EOLA1: variants seen among roughly 807,000 people sequenced by gnomAD.
EOLA1 encodes protein EOLA1.
A neutral mutation model predicts 4.5 loss-of-function variants in EOLA1; 1 was observed. That is an observed-to-expected ratio of 0.22 (90% confidence interval 0.08 to 1.05). The LOEUF is 1.05. Ranked by LOEUF, EOLA1 falls within the 50% of genes least tolerant of loss-of-function variation. The pLI is 0.57. For synonymous variants in EOLA1, 37 were observed against 52.3 expected, an observed-to-expected ratio of 0.71 and a Z score of 1.26; for missense variants, 69 against 127.2, an observed-to-expected ratio of 0.54 and a Z score of 2.20.
At chrX:149,542,490 C>G (rs1370008198) in intron 2 of EOLA1, among the ~76,000 whole-genome samples, 2 of 109,884 alleles carry the variant, frequency 1.8e-5, no homozygotes, top group African/African-American at 6.7e-5. Context: ...GCCAGGCGGC[C>G]GAGGCATTTC....
At chrX:149,544,524 G>A (rs1291007515) in intron 2 of EOLA1, 3 of 750,697 alleles carry the variant, frequency 4.0e-6, no homozygotes, top group Non-Finnish European at 4.7e-6. Flanking sequence ...TGTTCTATTA[G>A]GTGCCACGTA....
Position 149,541,729 on chromosome X carries a change from G to C in EOLA1, c.-229-290G>C, listed in dbSNP as rs1557346327. On this transcript the variant is annotated intron_variant, in intron 1 of 4. Coordinates refer to ENST00000393985, the MANE Select transcript of EOLA1 (RefSeq NM_001171907.3). ...GGGGAAGTGTCATTTTTCTCCCTTC[G>C]AATGGAGCATGCTTGGCTGCAAGAA... The C allele has an allele frequency of 5.4e-6, 4 of 747,021 alleles. No homozygotes were observed. The African/African-American group carries it at 6.9e-5, about 13-fold the overall frequency. The allele number at this position is 747,021 out of a possible 1,213,427, so 61.6% of individuals were successfully genotyped here. A position where few individuals can be genotyped will look rare whatever the true frequency, so the allele number is the denominator to read the frequency against.
At chrX:149,544,654 G>C in intron 2 of EOLA1, 1 of 753,197 alleles carries the variant, frequency 1.3e-6, no homozygotes, top group Non-Finnish European at 1.6e-6. Context: ...TCCTTCCAAG[G>C]CACAGGGCCG....
chrX:149,545,543 C>A, intron 3 of EOLA1, 43 bp downstream of exon 3: 1 of 1,168,651 alleles, frequency 8.6e-7, no homozygotes, highest in Non-Finnish European at 1.1e-6. Context: ...GGGGGAAGGT[C>A]AGGCCACTGC....
chrX:149,548,310 C>A lies in EOLA1; in HGVS notation c.*1348C>A. ...ATTAAAAAATGGCAACTTTTATGGGCCATTAGTGGCCTGTGACTTCACGAA... is the reference window on the plus strand; with the variant it reads ...ATTAAAAAATGGCAACTTTTATGGGACATTAGTGGCCTGTGACTTCACGAA... On this transcript the variant is annotated 3_prime_UTR_variant, in exon 5 of 5. Transcript: ENST00000393985. The A allele has an allele frequency of 1.1e-6, 1 of 921,512 alleles. No homozygotes were observed. The highest frequency in any genetic ancestry group is 1.3e-6 in the Non-Finnish European group (1 of 741,759). 75.9% of individuals were successfully genotyped at this position (921,512 alleles called of 1,213,427 possible).
At chrX:149,544,321 G>A (rs1358322094) in intron 2 of EOLA1, among the ~76,000 whole-genome samples, 2 of 75,556 alleles carry the variant, frequency 2.6e-5, no homozygotes, top group African/African-American at 5.4e-5. Flanking sequence ...TGAATACCAG[G>A]CAGCTTTGGC....
In EOLA1 at chrX:149,546,785, T is replaced by G. The variant is rs1483637243; in HGVS notation, c.300T>G (p.Thr100=). ...CTTTGCAATGCCCCGAAGACTTAAC[T>G]CCCGATGAGGTTGTGGAACTAGAAA... is the stretch of plus-strand genomic sequence containing the variant. ...GETLQCPEDL[T]PDEVVELENQ... is the part of the protein sequence containing the mutation. The change falls in exon 5 of 5, where the codon ACT becomes ACG. Residue 100 remains threonine (T), a synonymous_variant. Coordinates refer to ENST00000393985, the MANE Select transcript of EOLA1 (RefSeq NM_001171907.3). 1 of 1,207,414 alleles carries G rather than the reference T, an allele frequency of 8.3e-7. No homozygotes were observed. Among genetic ancestry groups the G allele is most frequent in the Non-Finnish European group, 1.1e-6 (1 of 894,506 alleles).
Position 149,546,949 on chromosome X carries a change from G to A in EOLA1, c.464G>A (p.Gly155Glu), listed in dbSNP as rs150927010. ...ATCCCAGAGCACCTGATCCCTTTGG[G>A]GCATGAAGTGTGACAAGTGTGGGCT... ...VDIPEHLIPL[G>E]HEV Residue 155 changes from glycine (G) to glutamate (E), a missense_variant, in exon 5 of 5, where the codon GGG (glycine) becomes GAG (glutamate). Coordinates refer to ENST00000393985, the MANE Select transcript of EOLA1 (RefSeq NM_001171907.3). 108 of 1,201,760 alleles carry A rather than the reference G, an allele frequency of 9.0e-5. 1 individual carries two copies. In the African/African-American group the frequency reaches 1.7e-3, roughly 19 times the overall value.
In EOLA1 at chrX:149,545,513, T is replaced by C. The variant is rs1462689115; in HGVS notation, c.-30+13T>C. 1 of 1,146,671 alleles carries C rather than the reference T, an allele frequency of 8.7e-7. No individual in the cohort carries two copies. Among genetic ancestry groups the C allele is most frequent in the Non-Finnish European group, 1.2e-6 (1 of 861,634 alleles). 94.5% of individuals were successfully genotyped at this position (1,146,671 alleles called of 1,213,427 possible). A position where few individuals can be genotyped will look rare whatever the true frequency, so the allele number is the denominator to read the frequency against. On this transcript the variant is annotated intron_variant, in intron 3 of 4. Transcript: ENST00000393985. ...GGAGACCATCAAGGTCAGTGCGATT[T>C]AGGCCACCTGAGAGACACGGGGGGA...
At position 149,545,748 on chromosome X, in the gene EOLA1, G is replaced by A; in HGVS notation, c.118G>A (p.Ala40Thr). The change falls in exon 4 of 5, where the codon GCC (alanine) becomes ACC (threonine). Residue 40 changes from alanine to threonine, a missense_variant. Transcript: ENST00000393985. ...GAGCAGCCAGCGGAACTGTACCATC[G>A]CCGTCCACATTGCTCACAGGGACTG... Reference protein sequence around the residue: ...LLSSQRNCTIAVHIAHRDWEG... With the variant: ...LLSSQRNCTITVHIAHRDWEG... 5 of 1,212,082 alleles carry A rather than the reference G, an allele frequency of 4.1e-6. No homozygotes were observed. Among genetic ancestry groups the A allele is most frequent in the Non-Finnish European group, 4.5e-6 (4 of 895,470 alleles).
chrX:149,544,641 G>A, intron 2 of EOLA1: 5 of 753,385 alleles, frequency 6.6e-6, no homozygotes, highest in Non-Finnish European at 7.8e-6. Flanking sequence ...TCGAGCCCAG[G>A]GTTCCTTCCA....
Position 149,545,408 on chromosome X carries a change from G to A in EOLA1, c.-122G>A. On this transcript the variant is annotated 5_prime_UTR_variant, in exon 3 of 5. It introduces an in-frame stop codon into an upstream open reading frame of the 5' UTR. Transcript: ENST00000393985. ...TCCGGACCGCCCCAAAGACTCCATG[G>A]GATGGACCTGAGTCAGCCGAATCCC... 2.8e-6 allele frequency: 3 copies of A among 1,080,077 alleles called. No individual in the cohort carries two copies. The highest frequency in any genetic ancestry group is 3.6e-6 in the Non-Finnish European group (3 of 835,258). 89.0% of individuals were successfully genotyped at this position (1,080,077 alleles called of 1,213,427 possible). A position where few individuals can be genotyped will look rare whatever the true frequency, so the allele number is the denominator to read the frequency against.
chrX:149,548,490 C>T (rs1259534289), downstream of EOLA1: 1 of 931,699 alleles, frequency 1.1e-6, no homozygotes, highest in Non-Finnish European at 1.3e-6. Flanking sequence ...ATTACACTAC[C>T]ATTATCTGAG....
At position 149,541,360 on chromosome X, in the gene EOLA1, G is replaced by A. The variant is rs2124120979; in HGVS notation, c.-230+17G>A. 1 of 114,043 alleles carries A rather than the reference G, an allele frequency of 8.8e-6. No homozygotes were observed. The highest frequency in any genetic ancestry group is 3.2e-5 in the African/African-American group (1 of 31,130). The allele number at this position is 114,043 out of a possible 1,213,427, so 9.4% of individuals were successfully genotyped here. A position where few individuals can be genotyped will look rare whatever the true frequency, so the allele number is the denominator to read the frequency against. ...TTGCGGACGGTACCTGAGGGCTGGG[G>A]TTTCCCTGGATGTGGGGCTGGGAAC... On this transcript the variant is annotated intron_variant, in intron 1 of 4. Coordinates refer to ENST00000393985, the MANE Select transcript of EOLA1 (RefSeq NM_001171907.3).
chrX:149,543,525 C>T (rs112620590), intron 2 of EOLA1, among the ~76,000 whole-genome samples: 2,216 of 68,143 alleles, frequency 0.033, 86 homozygotes, highest in Non-Finnish European at 0.038. Flanking sequence ...GAGACTTCTT[C>T]AGAAGGCAGG....
In EOLA1 at chrX:149,547,357, T is replaced by G; in HGVS notation, c.*395T>G. ...TTCTATGTTTTCCCCTGATTTGTTCTGGTCAAAACTCATCAAATGTGTAAC... is the reference window on the plus strand; with the variant it reads ...TTCTATGTTTTCCCCTGATTTGTTCGGGTCAAAACTCATCAAATGTGTAAC... On this transcript the variant is annotated 3_prime_UTR_variant, in exon 5 of 5. Transcript: ENST00000393985. The G allele has an allele frequency of 1.3e-6, 1 of 777,862 alleles. No homozygotes were observed. Among genetic ancestry groups the G allele is most frequent in the African/African-American group, 2.2e-5 (1 of 45,162 alleles). The allele number at this position is 777,862 out of a possible 1,213,427, so 64.1% of individuals were successfully genotyped here.
intron 2 of EOLA1, among the ~76,000 whole-genome samples, chrX:149,543,732 C>T (rs1557346805): frequency 1.1e-5 from 1 of 88,719 alleles, no homozygotes; most frequent in Non-Finnish European, 2.3e-5. Context: ...GGGAGGTGGA[C>T]TTGGTGGTGA....
downstream of EOLA1, chrX:149,549,518 T>G (rs2089897627): frequency 2.5e-5 from 27 of 1,094,367 alleles, no homozygotes; most frequent in Non-Finnish European, 3.2e-5. Flanking sequence ...GAAGAGATCC[T>G]TGTCGATGAT....
intron 2 of EOLA1, among the ~76,000 whole-genome samples, 184 bp downstream of exon 2, chrX:149,542,269 G>T (rs1463811233): frequency 1.8e-5 from 2 of 111,822 alleles, no homozygotes; most frequent in African/African-American, 6.6e-5. Context: ...GATGGAAGTG[G>T]CCAGGCCCTG....
Sources: gnomAD v4.1 joint callset for allele counts (sites outside exome capture counted in the v4.1 genomes callset) on GRCh38, gnomAD v4.1.1 for gene constraint, MANE v1.5 for transcripts, NCBI Gene and HGNC (gene_info 2026-07-23, HGNC 2026-07-21) for gene names.